Variants in ZNRF3 observed in about 807,000 individuals in gnomAD.
The protein encoded by ZNRF3 is E3 ubiquitin-protein ligase ZNRF3.
ZNRF3 carries 23 observed loss-of-function variants against 72.5 expected under a neutral mutation model. The ratio of observed to expected loss-of-function variants is 0.32; its 90% CI spans 0.23 to 0.45. ZNRF3 has a LOEUF of 0.45. Ranked by LOEUF, ZNRF3 falls within the 20% of genes least tolerant of loss-of-function variation. The pLI, the probability that ZNRF3 is intolerant of heterozygous loss-of-function variation, is 1.00. For missense variants in ZNRF3, 1,169 were observed against 1,272.1 expected, an observed-to-expected ratio of 0.92 and a Z score of 1.23; for synonymous variants, 610 against 545.3, an observed-to-expected ratio of 1.12 and a Z score of -1.65.
chr22:28,897,998 A>G (rs1448748574), intron 1 of ZNRF3, among the ~76,000 whole-genome samples: 1 of 152,082 alleles, frequency 6.6e-6, no homozygotes, highest in East Asian at 1.9e-4. Flanking sequence ...GTTGGAGTGC[A>G]GTGGCACGAT....
intron 2 of ZNRF3, chr22:29,025,679 C>G (rs1428083264): frequency 6.6e-6 from 1 of 151,698 alleles, no homozygotes; most frequent in Non-Finnish European, 1.5e-5. Flanking sequence ...GGCCAACATG[C>G]CCGGCTAATT....
intron 1 of ZNRF3, among the ~76,000 whole-genome samples, chr22:28,959,717 A>T (rs900435945): frequency 6.6e-6 from 1 of 152,164 alleles, no homozygotes; most frequent in African/African-American, 2.4e-5. Flanking sequence ...GATGGGGTCT[A>T]TGGGAGGCAG....
At chr22:29,044,962 G>T in intron 5 of ZNRF3, 72 bp downstream of exon 5, 1 of 1,087,532 alleles carries the variant, frequency 9.2e-7, no homozygotes, top group Non-Finnish European at 1.4e-6. Context: ...CAGGACTCTC[G>T]TCACCTTATT....
At chr22:28,955,060 A>C (rs1439407559) in intron 1 of ZNRF3, among the ~76,000 whole-genome samples, 2 of 94,034 alleles carry the variant, frequency 2.1e-5, no homozygotes, top group Admixed American at 2.5e-4. Flanking sequence ...TTTTTTTTTG[A>C]GACAAGGTCT....
chr22:29,050,061 C>G lies in ZNRF3; in HGVS notation c.1880C>G (p.Ser627Cys), dbSNP rs746765538. 4 of 1,607,196 alleles carry G rather than the reference C, an allele frequency of 2.5e-6. No homozygotes were observed. The highest frequency in any genetic ancestry group is 3.4e-6 in the Non-Finnish European group (4 of 1,177,362). Reference sequence around the variant, plus strand: ...GGACCTGCCCTGTGCTTCGAGGGCTCCCCGCCTCCCGAGGAGCTCCCGGCG... The same window carrying G: ...GGACCTGCCCTGTGCTTCGAGGGCTGCCCGCCTCCCGAGGAGCTCCCGGCG... Reference protein sequence around the residue: ...GRGPALCFEGSPPPEELPAVH... With the variant: ...GRGPALCFEGCPPPEELPAVH... Residue 627 changes from serine to cysteine, a missense_variant, in exon 8 of 9, where the codon TCC becomes TGC. Coordinates refer to ENST00000544604, the MANE Select transcript of ZNRF3 (RefSeq NM_001206998.2).
chr22:29,009,568 G>A (rs1000470471), intron 2 of ZNRF3, among the ~76,000 whole-genome samples: 6 of 152,152 alleles, frequency 3.9e-5, no homozygotes, highest in Non-Finnish European at 7.3e-5. Context: ...GTGTATTACT[G>A]TTCTGTGGCA....
chr22:28,912,936 G>A (rs1207166018), intron 1 of ZNRF3, among the ~76,000 whole-genome samples: 2 of 152,172 alleles, frequency 1.3e-5, no homozygotes, highest in African/African-American at 4.8e-5. Flanking sequence ...AAAGTGCTGA[G>A]ATTACAGGCG....
intron 2 of ZNRF3, among the ~76,000 whole-genome samples, chr22:29,039,978 C>G (rs1209687405): frequency 6.6e-6 from 1 of 151,900 alleles, no homozygotes; most frequent in African/African-American, 2.4e-5. Flanking sequence ...ATAGATAGCT[C>G]TATGGTGGAG....
At position 29,057,391 on chromosome 22, in the gene ZNRF3, C is replaced by G. The variant is rs1256221483; in HGVS notation, c.*3769C>G. 2 of 151,794 alleles carry G rather than the reference C, an allele frequency of 1.3e-5. No homozygotes were observed. The highest frequency in any genetic ancestry group is 4.8e-5 in the African/African-American group (2 of 41,290). 9.4% of individuals were successfully genotyped at this position (151,794 alleles called of 1,614,324 possible). On this transcript the variant is annotated 3_prime_UTR_variant, in exon 9 of 9. Coordinates refer to ENST00000544604, the MANE Select transcript of ZNRF3 (RefSeq NM_001206998.2). ...ACACAGATTTTACATATTTGCAGAC[C>G]AAAAATGATTTAAAACAAGTTGTAG...
chr22:29,047,007 C>T (rs762127775), intron 6 of ZNRF3, 124 bp downstream of exon 6: 3 of 955,792 alleles, frequency 3.1e-6, no homozygotes, highest in South Asian at 3.6e-5. Flanking sequence ...AGTCACTCTT[C>T]TGAAAATTCT....
intron 1 of ZNRF3, among the ~76,000 whole-genome samples, chr22:28,923,143 C>T (rs966764399): frequency 1.3e-5 from 2 of 152,184 alleles, no homozygotes; most frequent in Non-Finnish European, 2.9e-5. Flanking sequence ...GGGGCGCTTA[C>T]TCCAGGGGCC....
At chr22:28,919,297 C>G (rs1432114135) in intron 1 of ZNRF3, among the ~76,000 whole-genome samples, 2 of 152,186 alleles carry the variant, frequency 1.3e-5, no homozygotes. Context: ...GTCCCTTAGA[C>G]AGATCTAAAA....
chr22:28,911,139 GC>G (rs1171760040), intron 1 of ZNRF3, among the ~76,000 whole-genome samples: 1 of 152,176 alleles, frequency 6.6e-6, no homozygotes, highest in African/African-American at 2.4e-5. Flanking sequence ...TGGGGGATCT[GC>G]AGCTGTGCCT....
intron 1 of ZNRF3, among the ~76,000 whole-genome samples, chr22:28,957,287 C>G (rs2035278521): frequency 6.6e-6 from 1 of 152,176 alleles, no homozygotes; most frequent in Admixed American, 6.5e-5. Context: ...TAGAACCACT[C>G]CACAGTTGGA....
chr22:28,979,371 C>G (rs964863506), intron 1 of ZNRF3, among the ~76,000 whole-genome samples: 4 of 152,116 alleles, frequency 2.6e-5, no homozygotes, highest in Non-Finnish European at 5.9e-5. Flanking sequence ...ATTCTCCTTC[C>G]CCTTCTACTG....
intron 1 of ZNRF3, among the ~76,000 whole-genome samples, chr22:28,945,754 T>G (rs966868972): frequency 1.3e-5 from 2 of 152,056 alleles, no homozygotes; most frequent in Non-Finnish European, 2.9e-5. Context: ...GGTCTCGATC[T>G]CTTGACCTCG....
intron 2 of ZNRF3, among the ~76,000 whole-genome samples, chr22:28,990,685 A>T (rs1005536079): frequency 1.3e-5 from 2 of 151,972 alleles, no homozygotes; most frequent in African/African-American, 4.8e-5. Flanking sequence ...CCAGTCAATC[A>T]ATCAGTCAAT....
chr22:28,883,668 C>A lies in ZNRF3; in HGVS notation c.-99C>A. The A allele has an allele frequency of 6.2e-6, 6 of 966,944 alleles. No homozygotes were observed. Among genetic ancestry groups the A allele is most frequent in the Non-Finnish European group, 7.4e-6 (6 of 813,230 alleles). 59.9% of individuals were successfully genotyped at this position (966,944 alleles called of 1,614,324 possible). A position where few individuals can be genotyped will look rare whatever the true frequency, so the allele number is the denominator to read the frequency against. ...CCCACAAAGCCGCCGCCGCCGCCGCCGTGATGGGGCTGTGAGGCGTCCGCC... is the reference window on the plus strand; with the variant it reads ...CCCACAAAGCCGCCGCCGCCGCCGCAGTGATGGGGCTGTGAGGCGTCCGCC... On this transcript the variant is annotated 5_prime_UTR_variant, in exon 1 of 9. Transcript: ENST00000544604. This position sits in a 1 kb window ranked among gnomAD's most constrained non-coding sequence, Gnocchi z 5.5.
At chr22:29,020,273 T>TTC (rs1555984949) in intron 2 of ZNRF3, among the ~76,000 whole-genome samples, 29 of 133,294 alleles carry the variant, frequency 2.2e-4, no homozygotes, top group Non-Finnish European at 3.3e-4. Context: ...TTTTTTTTTT[T>TTC]CCCCCAAGAC....
Sources: allele counts gnomAD v4.1 joint callset (sites outside exome capture counted in the v4.1 genomes callset), GRCh38; gene constraint gnomAD v4.1.1; non-coding constraint Gnocchi (gnomAD v3.1); transcripts MANE v1.5; gene names NCBI Gene and HGNC (gene_info 2026-07-23, HGNC 2026-07-21).